The following RANBP2 variants were observed in gnomAD, a reference collection of about 807,000 sequenced individuals.
The protein encoded by RANBP2 is RAN binding protein 2, also known as E3 SUMO-protein ligase RanBP2.
RANBP2 carries 57 observed loss-of-function variants against 303.6 expected under a neutral mutation model. The observed-to-expected ratio is 0.19, with a 90% CI of 0.15 to 0.23. The LOEUF is 0.23. Among genes scored for constraint, RANBP2 ranks in the 10% least tolerant of loss-of-function variants. The pLI, the probability that RANBP2 is intolerant of heterozygous loss-of-function variation, is 1.00. For missense variants in RANBP2, 3,138 were observed against 3,780.8 expected, an observed-to-expected ratio of 0.83 and a Z score of 4.46; for synonymous variants, 1,167 against 1,301.5, an observed-to-expected ratio of 0.90 and a Z score of 2.23.
At chr2:109,078,253 ATATATATATAGCGCG>A in the RANBP2 span, among the ~76,000 whole-genome samples, 9 of 57,514 alleles carry the variant, frequency 1.6e-4, no homozygotes, top group African/African-American at 6.8e-4. Context: ...GCGTGTATAT[ATATATATATAGCGCG>A]TATATATATA....
At chr2:109,490,059 C>A in the RANBP2 span, among the ~76,000 whole-genome samples, 1,237 of 152,278 alleles carry the variant, frequency 8.1e-3, 11 homozygotes, top group South Asian at 0.029. Flanking sequence ...TTGGTCTTAG[C>A]TTTGTTTTCC....
chr2:108,729,679 T>C (rs2949982), intron 2 of RANBP2, among the ~76,000 whole-genome samples: 6 of 151,908 alleles, frequency 3.9e-5, no homozygotes, highest in Non-Finnish European at 7.4e-5. Flanking sequence ...TTTCCTGACT[T>C]GGAGTGGATT....
chr2:109,016,168 G>A, the RANBP2 span, among the ~76,000 whole-genome samples: 4 of 152,100 alleles, frequency 2.6e-5, no homozygotes, highest in African/African-American at 7.2e-5. Context: ...TGCAAGCTCC[G>A]CCTCCCGGGT....
At chr2:108,995,129 C>T in the RANBP2 span, among the ~76,000 whole-genome samples, 3 of 152,040 alleles carry the variant, frequency 2.0e-5, no homozygotes, top group East Asian at 1.9e-4. Context: ...CGTGCCCGGC[C>T]GCATTGGGTT....
the RANBP2 span, among the ~76,000 whole-genome samples, chr2:109,133,239 A>G: frequency 6.6e-6 from 1 of 152,200 alleles, no homozygotes; most frequent in African/African-American, 2.4e-5. Flanking sequence ...GCCTTTGATG[A>G]TATAAAAGTC....
At chr2:109,440,798 G>A in the RANBP2 span, among the ~76,000 whole-genome samples, 15 of 152,176 alleles carry the variant, frequency 9.9e-5, no homozygotes, top group Admixed American at 2.0e-4. Flanking sequence ...TGCAGAGCAC[G>A]CCCTGAGATC....
At chr2:109,130,109 C>T in the RANBP2 span, 2 of 1,325,730 alleles carry the variant, frequency 1.5e-6, no homozygotes, top group Non-Finnish European at 9.6e-7. Flanking sequence ...GCGCCGGCGG[C>T]AAAGGTGAGT....
chr2:109,258,718 G>C, the RANBP2 span, among the ~76,000 whole-genome samples: 2 of 152,234 alleles, frequency 1.3e-5, no homozygotes, highest in Non-Finnish European at 2.9e-5. Flanking sequence ...GAAAGTTCTG[G>C]TTTGTTATTC....
the RANBP2 span, among the ~76,000 whole-genome samples, chr2:109,218,572 C>G: frequency 6.6e-6 from 1 of 152,144 alleles, no homozygotes; most frequent in Non-Finnish European, 1.5e-5. Flanking sequence ...ACCTTTTCAT[C>G]TCTCGGTCAA....
At chr2:109,326,064 C>T in the RANBP2 span, among the ~76,000 whole-genome samples, 1 of 152,226 alleles carries the variant, frequency 6.6e-6, no homozygotes, top group Non-Finnish European at 1.5e-5. Flanking sequence ...CAGGGGTATC[C>T]TGGGCGTATG....
At chr2:109,091,496 A>G in the RANBP2 span, among the ~76,000 whole-genome samples, 1 of 152,232 alleles carries the variant, frequency 6.6e-6, no homozygotes, top group Non-Finnish European at 1.5e-5. Flanking sequence ...AGTCTTCTGT[A>G]CAGCCAGCTC....
At chr2:109,257,784 A>C in the RANBP2 span, among the ~76,000 whole-genome samples, 386 of 152,260 alleles carry the variant, frequency 2.5e-3, 3 homozygotes, top group African/African-American at 9.0e-3. Flanking sequence ...CTGAAAATGT[A>C]TGTTTTACGG....
At chr2:109,306,034 C>T in the RANBP2 span, among the ~76,000 whole-genome samples, 1 of 152,228 alleles carries the variant, frequency 6.6e-6, no homozygotes, top group Non-Finnish European at 1.5e-5. Flanking sequence ...TGATTCGCTG[C>T]CTTCTGCTGG....
the RANBP2 span, among the ~76,000 whole-genome samples, chr2:109,201,075 T>C: frequency 6.6e-6 from 1 of 152,194 alleles, no homozygotes; most frequent in Non-Finnish European, 1.5e-5. Flanking sequence ...GCAGCCGTGC[T>C]CAGGGACTCT....
At chr2:109,003,022 A>G in the RANBP2 span, among the ~76,000 whole-genome samples, 1 of 152,050 alleles carries the variant, frequency 6.6e-6, no homozygotes, top group Non-Finnish European at 1.5e-5. Flanking sequence ...CCTGGCCAAT[A>G]TGGTGAAACC....
At chr2:109,707,269 GC>G in the RANBP2 span, among the ~76,000 whole-genome samples, 1 of 152,118 alleles carries the variant, frequency 6.6e-6, no homozygotes, top group South Asian at 2.1e-4. Context: ...ACCCTTTAGA[GC>G]CTGTAGCACA....
chr2:109,730,776 C>CTTTTTTTTTTTT, the RANBP2 span, among the ~76,000 whole-genome samples: 1 of 79,396 alleles, frequency 1.3e-5, no homozygotes, highest in Non-Finnish European at 2.5e-5. Flanking sequence ...CTCTCTCTCT[C>CTTTTTTTTTTTT]TTTTTTTTTT....
At chr2:108,878,349 C>A in the RANBP2 span, 1 of 204,716 alleles carries the variant, frequency 4.9e-6, no homozygotes, top group South Asian at 9.4e-5. Flanking sequence ...GATTTCAGGC[C>A]AAGAAACAAA....
chr2:109,398,758 G>T, the RANBP2 span: 1 of 1,613,658 alleles, frequency 6.2e-7, no homozygotes, highest in South Asian at 1.1e-5. Flanking sequence ...GCGTGTGGAT[G>T]GCAAGAAGAA....
Sources: gnomAD v4.1 joint callset for allele counts (sites outside exome capture counted in the v4.1 genomes callset) on GRCh38, gnomAD v4.1.1 for gene constraint, MANE v1.5 for transcripts, NCBI Gene and HGNC (gene_info 2026-07-23, HGNC 2026-07-21) for gene names.